MMD2: variants seen among roughly 807,000 people sequenced by gnomAD.
MMD2 encodes the protein monocyte to macrophage differentiation factor 2.
A neutral mutation model predicts 33.5 loss-of-function variants in MMD2; 30 were observed. That is an observed-to-expected ratio of 0.90 (90% CI 0.67 to 1.22). The LOEUF is 1.22. Among genes scored for constraint, MMD2 ranks in the 50% most tolerant of loss-of-function variants. MMD2 has a pLI of 0.00. For missense variants in MMD2, 364 were observed against 325.4 expected, an observed-to-expected ratio of 1.12 and a Z score of -0.91; for synonymous variants, 129 against 123.0, an observed-to-expected ratio of 1.05 and a Z score of -0.32.
chr7:4,932,599 C>A (rs1785619755), intron 1 of MMD2, among the ~76,000 whole-genome samples: 1 of 150,360 alleles, frequency 6.7e-6, no homozygotes, highest in Non-Finnish European at 1.5e-5. Context: ...GCAGCTAAGG[C>A]CCTGTCCCCT....
At chr7:4,957,472 C>A (rs200776642) in intron 1 of MMD2, among the ~76,000 whole-genome samples, 1 of 8,528 alleles carries the variant, frequency 1.2e-4, no homozygotes, top group Non-Finnish European at 4.6e-4. Context: ...CGCGGTGAAA[C>A]CCCAGTCTCT....
At chr7:4,920,102 C>T (rs974690499) in intron 3 of MMD2, 69 bp downstream of exon 3, 29 of 1,496,426 alleles carry the variant, frequency 1.9e-5, no homozygotes, top group African/African-American at 5.6e-5. Flanking sequence ...TGGTTCACCC[C>T]CCGGGCTGCC....
intron 1 of MMD2, among the ~76,000 whole-genome samples, chr7:4,938,790 A>C (rs1369019308): frequency 6.6e-6 from 1 of 152,210 alleles, no homozygotes; most frequent in Non-Finnish European, 1.5e-5. Flanking sequence ...TTGACCAGCT[A>C]CAATGTTCAT....
intron 1 of MMD2, among the ~76,000 whole-genome samples, chr7:4,958,212 T>C (rs939734383): frequency 2.6e-5 from 4 of 152,068 alleles, no homozygotes; most frequent in African/African-American, 9.7e-5. Context: ...GAGGAGCAAC[T>C]TTAGGAGGGG....
At chr7:4,907,893 A>G (rs1179297461) in intron 6 of MMD2, among the ~76,000 whole-genome samples, 2 of 152,250 alleles carry the variant, frequency 1.3e-5, no homozygotes, top group East Asian at 1.9e-4. Flanking sequence ...TGTAGCCTCC[A>G]ACTCCTGGGA....
chr7:4,945,246 C>CTTCTTCTTCTTCTTCT (rs1562493963), intron 1 of MMD2, among the ~76,000 whole-genome samples: 8 of 22,870 alleles, frequency 3.5e-4, no homozygotes, highest in East Asian at 2.3e-3. Flanking sequence ...CTTCCTCTCT[C>CTTCTTCTTCTTCTTCT]TCTTTCTTTC....
At chr7:4,927,491 A>G (rs1166204783) in intron 1 of MMD2, among the ~76,000 whole-genome samples, 4 of 152,048 alleles carry the variant, frequency 2.6e-5, no homozygotes, top group African/African-American at 7.2e-5. Context: ...CAGTGAGCCA[A>G]GATCGTACCA....
At chr7:4,934,175 C>T (rs1245924899) in intron 1 of MMD2, among the ~76,000 whole-genome samples, 1 of 151,590 alleles carries the variant, frequency 6.6e-6, no homozygotes, top group African/African-American at 2.4e-5. Context: ...AGTGATCTGC[C>T]CACCTCGGCC....
At chr7:4,913,455 G>A (rs995137599) in intron 4 of MMD2, among the ~76,000 whole-genome samples, 1 of 151,954 alleles carries the variant, frequency 6.6e-6, no homozygotes, top group Non-Finnish European at 1.5e-5. Context: ...AGTGTCTCAC[G>A]CCTGTAATCC....
At chr7:4,903,816 A>G (rs1784825588), downstream of MMD2, among the ~76,000 whole-genome samples, 1 of 152,194 alleles carries the variant, frequency 6.6e-6, no homozygotes, top group African/African-American at 2.4e-5. Flanking sequence ...CCTGCTGCCG[A>G]CTGCTCTCCT....
At chr7:4,899,853 T>A in the MMD2 span, among the ~76,000 whole-genome samples, 1 of 152,056 alleles carries the variant, frequency 6.6e-6, no homozygotes, top group African/African-American at 2.4e-5. Context: ...ACCTAACCCA[T>A]AAGGGCTGCT....
In MMD2 at chr7:4,946,136, C is replaced by T. The variant is rs373680876; in HGVS notation, c.47+12835G>A. Among the ~76,000 whole-genome samples, 7 of 151,548 alleles carry T rather than the reference C, an allele frequency of 4.6e-5. No individual in the cohort carries two copies. Among genetic ancestry groups the T allele is most frequent in the Non-Finnish European group, 7.4e-5 (5 of 67,840 alleles). ...GCACACGCACGCACACACCTGCACA[C>T]GCACGCACACCCACACCCGCGCGCA... On this transcript the variant is annotated intron_variant, in intron 1 of 6. Transcript: ENST00000401401. This position sits in a 1 kb window ranked among gnomAD's most constrained non-coding sequence, Gnocchi z 5.0.
the MMD2 span, among the ~76,000 whole-genome samples, chr7:4,899,025 T>A: frequency 6.6e-6 from 1 of 150,948 alleles, no homozygotes; most frequent in African/African-American, 2.4e-5. Context: ...GTTTGGAAGG[T>A]GATTAGGTCA....
At chr7:4,952,011 C>T (rs560412508) in intron 1 of MMD2, among the ~76,000 whole-genome samples, 13 of 152,314 alleles carry the variant, frequency 8.5e-5, no homozygotes, top group Admixed American at 6.5e-4. Flanking sequence ...GCTGGGACTA[C>T]AGGCTTGAGC....
rs181102431 is a variant in MMD2, at chr7:4,911,116, C to T, written c.467+29G>A. 3.4e-5 allele frequency: 53 copies of T among 1,536,776 alleles called. No individual in the cohort carries two copies. The Middle Eastern group carries it at 1.0e-3, about 29-fold the overall frequency. On this transcript the variant is annotated intron_variant, in intron 5 of 6. Transcript: ENST00000401401. ...GGCCAGAGCATCTAAGGGAATCCCG[C>T]CTCCCTGAAGCCCCCAGGCCTGGCT...
intron 3 of MMD2, among the ~76,000 whole-genome samples, chr7:4,916,946 C>T (rs904371288): frequency 4.6e-5 from 7 of 152,038 alleles, no homozygotes; most frequent in Non-Finnish European, 1.0e-4. Flanking sequence ...ATTGTGTGTG[C>T]CTGTAGGCCT....
intron 1 of MMD2, among the ~76,000 whole-genome samples, chr7:4,926,016 G>C (rs553963748): frequency 5.9e-5 from 9 of 152,258 alleles, no homozygotes; most frequent in South Asian, 4.1e-4. Flanking sequence ...ATGTTGGCCA[G>C]GCTGGTCTCA....
At chr7:4,941,391 A>T (rs1017467120) in intron 1 of MMD2, among the ~76,000 whole-genome samples, 1 of 152,208 alleles carries the variant, frequency 6.6e-6, no homozygotes, top group African/African-American at 2.4e-5. Flanking sequence ...GCACTTTGGG[A>T]GGCCGAGGCA....
At chr7:4,956,062 T>C (rs1262908902) in intron 1 of MMD2, among the ~76,000 whole-genome samples, 1 of 151,488 alleles carries the variant, frequency 6.6e-6, no homozygotes, top group Non-Finnish European at 1.5e-5. Flanking sequence ...CAAAACTAAA[T>C]AAATAAAATA....
Sources: allele counts gnomAD v4.1 joint callset (sites outside exome capture counted in the v4.1 genomes callset), GRCh38; gene constraint gnomAD v4.1.1; non-coding constraint Gnocchi (gnomAD v3.1); transcripts MANE v1.5; gene names NCBI Gene and HGNC (gene_info 2026-07-23, HGNC 2026-07-21).